Variants in DNAH10 observed in about 807,000 individuals in gnomAD.
DNAH10 encodes dynein axonemal heavy chain 10.
A neutral mutation model predicts 506.6 loss-of-function variants in DNAH10; 348 were observed. The observed-to-expected ratio is 0.69, with a 90% CI of 0.63 to 0.75. DNAH10 has a LOEUF of 0.75. Among genes scored for constraint, DNAH10 ranks in the 30% least tolerant of loss-of-function variants. DNAH10 has a pLI of 0.00. For missense variants in DNAH10, 5,179 were observed against 5,787.1 expected, an observed-to-expected ratio of 0.89 and a Z score of 3.41; for synonymous variants, 2,059 against 2,198.6, an observed-to-expected ratio of 0.94 and a Z score of 1.78.
intron 21 of DNAH10, 84 bp downstream of exon 21, chr12:123,813,996 T>G (rs1944376342): frequency 7.7e-7 from 1 of 1,296,336 alleles, no homozygotes; most frequent in African/African-American, 1.5e-5. Flanking sequence ...TCAAGTATAC[T>G]GCCATTGATT....
Position 123,813,544 on chromosome 12 carries a change from A to G in DNAH10, c.3525A>G (p.Thr1175=). The change falls in exon 20 of 79, where the codon ACA becomes ACG. Residue 1175 remains threonine, a synonymous_variant. Coordinates refer to ENST00000673944, the MANE Select transcript of DNAH10 (RefSeq NM_001372106.1). ...IRLQLRHLAN[T]VQENAKSWVI... ...TTCAGCTCAGGCATCTGGCAAACAC[A>G]GTGCAGGAAAATGCCAAGTCCTGGG... 6.2e-7 allele frequency: 1 copy of G among 1,614,226 alleles called. No individual in the cohort carries two copies. Among genetic ancestry groups the G allele is most frequent in the Non-Finnish European group, 8.5e-7 (1 of 1,180,042 alleles).
chr12:123,908,701 C>T (rs1166002201), intron 57 of DNAH10: 7 of 386,674 alleles, frequency 1.8e-5, no homozygotes, highest in Non-Finnish European at 3.6e-5. Context: ...CTAGTCTTAT[C>T]AAAGCCACAG....
At position 123,797,385 on chromosome 12, in the gene DNAH10, CTTTTCTTTTTCT is replaced by C. The variant is rs1218768397; in HGVS notation, c.2163+558_2163+569del. Among the ~76,000 whole-genome samples the C allele has an allele frequency of 1.4e-3, 198 of 146,502 alleles. 2 individuals are homozygous for C. Among genetic ancestry groups the C allele is most frequent in the African/African-American group, 5.1e-3 (189 of 37,124 alleles). On this transcript the variant is annotated intron_variant, in intron 13 of 78. Coordinates refer to ENST00000673944, the MANE Select transcript of DNAH10 (RefSeq NM_001372106.1). ...ACTGCCTTTTGCGTTCCTTCTTTTT[CTTTTCTTTTTCT>C]TTTTTTTTTTTTTAAGACAAGGTCT...
At position 123,870,408 on chromosome 12, in the gene DNAH10, G is replaced by A. The variant is rs375327996; in HGVS notation, c.7562G>A (p.Arg2521Gln). The change falls in exon 44 of 79, where the codon CGG becomes CAG. Residue 2521 changes from arginine to glutamine, a missense_variant. Arg to Gln is a conservative substitution (Grantham distance 43). This residue lies in a region of DNAH10 where 4,844 missense variants were observed against 5,430.5 expected (regional missense o/e 0.89). Transcript: ENST00000673944. ...TATGACTTTCATTTTGATAACAAAC[G>A]GAATCAATGGGTCCCATGGAGTAAA... ...TLYDFHFDNK[R>Q]NQWVPWSKLV... 8.1e-6 allele frequency: 13 copies of A among 1,613,748 alleles called. No homozygotes were observed. Among genetic ancestry groups the A allele is most frequent in the Middle Eastern group, 1.6e-4 (1 of 6,084 alleles).
At chr12:123,811,430 C>T (rs965122218) in intron 19 of DNAH10, among the ~76,000 whole-genome samples, 1 of 151,710 alleles carries the variant, frequency 6.6e-6, no homozygotes, top group Admixed American at 6.6e-5. Flanking sequence ...GTGAGTGATT[C>T]TCCTGCCTCA....
intron 57 of DNAH10, among the ~76,000 whole-genome samples, chr12:123,904,153 C>T (rs963782397): frequency 4.6e-5 from 7 of 152,142 alleles, no homozygotes; most frequent in South Asian, 2.1e-4. Flanking sequence ...AATGACCTCC[C>T]GGTTCATTCT....
rs1566040755 is a variant in DNAH10, at chr12:123,881,804, C to T, written c.8814C>T (p.Ala2938=). Residue 2938 remains alanine, a synonymous_variant, in exon 51 of 79, where the codon GCC becomes GCT. Coordinates refer to ENST00000673944, the MANE Select transcript of DNAH10 (RefSeq NM_001372106.1). The part of the protein sequence containing the change: ...QSLSRLAAFT[A]SCEVFEILLS... ...TTTCGAGGCTGGCTGCCTTCACAGCCAGCTGTGAGGTCAGTCCACGTACCC... is the reference window on the plus strand; with the variant it reads ...TTTCGAGGCTGGCTGCCTTCACAGCTAGCTGTGAGGTCAGTCCACGTACCC... The T allele has an allele frequency of 9.9e-6, 15 of 1,512,372 alleles. No individual in the cohort carries two copies. Among genetic ancestry groups the T allele is most frequent in the East Asian group, 5.0e-5 (2 of 40,366 alleles). The allele number at this position is 1,512,372 out of a possible 1,614,324, so 93.7% of individuals were successfully genotyped here. A position where few individuals can be genotyped will look rare whatever the true frequency, so the allele number is the denominator to read the frequency against.
At position 123,868,665 on chromosome 12, in the gene DNAH10, A is replaced by G. The variant is rs193100140; in HGVS notation, c.7519+546A>G. ...AAAAGATGCATTCTCCAAGGTCTAT[A>G]TGCAATGGTAGGACCCTTCTTTATC... On this transcript the variant is annotated intron_variant, in intron 43 of 78. Coordinates refer to ENST00000673944, the MANE Select transcript of DNAH10 (RefSeq NM_001372106.1). Among the ~76,000 whole-genome samples, 173 of 152,350 alleles carry G rather than the reference A, an allele frequency of 1.1e-3. 1 individual carries two copies. Among genetic ancestry groups the G allele is most frequent in the Middle Eastern group, 3.4e-3 (1 of 294 alleles).
chr12:123,864,150 T>TC (rs1951712330), intron 39 of DNAH10, among the ~76,000 whole-genome samples: 1 of 147,894 alleles, frequency 6.8e-6, no homozygotes, highest in Admixed American at 6.7e-5. Flanking sequence ...TTTCTTTTTT[T>TC]TTTTTTTTTT....
chr12:123,788,393 G>A (rs1240720259), intron 10 of DNAH10, among the ~76,000 whole-genome samples: 1 of 152,156 alleles, frequency 6.6e-6, no homozygotes, highest in Non-Finnish European at 1.5e-5. Flanking sequence ...GAGCTCCACG[G>A]ATGGACAAAG....
chr12:123,803,000 A>G (rs552622482), intron 16 of DNAH10, among the ~76,000 whole-genome samples: 71 of 152,070 alleles, frequency 4.7e-4, no homozygotes, highest in Non-Finnish European at 9.4e-4. Context: ...TGTGGTTTGC[A>G]GCTATTTTCT....
chr12:123,908,938 G>A (rs76226104), intron 57 of DNAH10, among the ~76,000 whole-genome samples: 89 of 152,274 alleles, frequency 5.8e-4, no homozygotes, highest in African/African-American at 2.0e-3. Flanking sequence ...TCAGCCGAGG[G>A]TGTAATTAAA....
Position 123,898,834 on chromosome 12 carries a change from G to A in DNAH10, c.9640+20G>A. ...CTGTAGGTGAGTGAGGGCGGGGCCAGGGCAGCCCATCCCCAACACCCAATA... is the reference window on the plus strand; with the variant it reads ...CTGTAGGTGAGTGAGGGCGGGGCCAAGGCAGCCCATCCCCAACACCCAATA... On this transcript the variant is annotated intron_variant, in intron 56 of 78. Coordinates refer to ENST00000673944, the MANE Select transcript of DNAH10 (RefSeq NM_001372106.1). 1 of 1,586,506 alleles carries A rather than the reference G, an allele frequency of 6.3e-7. No homozygotes were observed. The highest frequency in any genetic ancestry group is 8.6e-7 in the Non-Finnish European group (1 of 1,165,434).
At position 123,913,321 on chromosome 12, in the gene DNAH10, C is replaced by T. The variant is rs765564680; in HGVS notation, c.10352+6C>T. On this transcript the variant is annotated splice_donor_region_variant and intron_variant, in intron 60 of 78. Transcript: ENST00000673944. The surrounding 1 kb of genome is among the most constrained non-coding windows in gnomAD (Gnocchi z 5.1). ...CTGGGGTCAGAAAACATCAGGTTAG[C>T]GCTGCTCACGAGCCCACCTGTTGCG... The T allele has an allele frequency of 6.3e-6, 10 of 1,577,416 alleles. No homozygotes were observed. Among genetic ancestry groups the T allele is most frequent in the African/African-American group, 1.4e-5 (1 of 74,040 alleles).
At chr12:123,866,220 G>T in intron 41 of DNAH10, 147 bp downstream of exon 41, 1 of 235,340 alleles carries the variant, frequency 4.2e-6, no homozygotes. Flanking sequence ...TGAAAACATG[G>T]CAGACACACT....
chr12:123,861,698 T>C (rs1951618700), intron 39 of DNAH10, among the ~76,000 whole-genome samples: 1 of 152,210 alleles, frequency 6.6e-6, no homozygotes, highest in Non-Finnish European at 1.5e-5. Context: ...GCTCTGAGGG[T>C]GTGTAAGGTA....
Position 123,913,027 on chromosome 12 carries a change from G to A in DNAH10, c.10135-71G>A. ...TAGAGCAGTTTAGACATGTGGCCTG[G>A]TTTGAGGCCATGGGATCGCGGCCCC... On this transcript the variant is annotated intron_variant, in intron 59 of 78. Coordinates refer to ENST00000673944, the MANE Select transcript of DNAH10 (RefSeq NM_001372106.1). The surrounding 1 kb of genome is among the most constrained non-coding windows in gnomAD (Gnocchi z 5.1). 1.4e-6 allele frequency: 2 copies of A among 1,448,168 alleles called. No individual in the cohort carries two copies. The highest frequency in any genetic ancestry group is 1.3e-5 in the South Asian group (1 of 77,962). 89.7% of individuals were successfully genotyped at this position (1,448,168 alleles called of 1,614,324 possible).
chr12:123,833,594 A>G (rs996745878), intron 27 of DNAH10, among the ~76,000 whole-genome samples: 2 of 152,202 alleles, frequency 1.3e-5, no homozygotes, highest in Middle Eastern at 3.4e-3. Flanking sequence ...TCTTTTTCAT[A>G]TATCTCTGTT....
chr12:123,877,962 A>C (rs1952333616), intron 48 of DNAH10, 54 bp downstream of exon 48: 2 of 1,573,568 alleles, frequency 1.3e-6, no homozygotes, highest in South Asian at 1.2e-5. Flanking sequence ...TAGTTTTCTT[A>C]TTCTTTTAAG....
Sources: allele counts gnomAD v4.1 joint callset (sites outside exome capture counted in the v4.1 genomes callset), GRCh38; gene constraint gnomAD v4.1.1; regional missense constraint gnomAD v4.1.1; non-coding constraint Gnocchi (gnomAD v3.1); transcripts MANE v1.5; gene names NCBI Gene and HGNC (gene_info 2026-07-23, HGNC 2026-07-21).